PKD1: variants seen among roughly 807,000 people sequenced by gnomAD.
PKD1 encodes the protein polycystin-1.
A neutral mutation model predicts 361.7 loss-of-function variants in PKD1; 81 were observed. The observed-to-expected ratio is 0.22, with a 90% CI of 0.19 to 0.27. The LOEUF (loss-of-function observed/expected upper bound fraction) is 0.27. PKD1 is among the 10% of genes least tolerant of loss of function. The pLI, the probability that PKD1 is intolerant of heterozygous loss-of-function variation, is 1.00. For missense variants in PKD1, 6,399 were observed against 6,118.3 expected (o/e 1.05, Z -1.53); for synonymous variants, 3,615 against 2,818.3 (o/e 1.28, Z -8.95).
rs763016246 is a variant in PKD1 at position 2,106,315 on chromosome 16, G to A, written c.7490-11C>T. 16 of 1,607,884 alleles carry A rather than the reference G, an allele frequency of 1.0e-5. No individual in the cohort carries two copies. Among genetic ancestry groups the A allele is most frequent in the Middle Eastern group, 4.5e-4 (2 of 4,422 alleles). On this transcript the variant is annotated splice_polypyrimidine_tract_variant and intron_variant, in intron 18 of 45. Transcript: ENST00000262304. This position sits in a 1 kb window ranked among gnomAD's most constrained non-coding sequence, Gnocchi z 6.5. ...CCGCGTCATGCCAGCCTGAGGGACG[G>A]TCCCCACGGCATCACGGGAGGGCTC...
chr16:2,108,826 T>A lies in PKD1; in HGVS notation c.6341A>T (p.Tyr2114Phe). 1 of 1,570,544 alleles carries A rather than the reference T, an allele frequency of 6.4e-7. No individual in the cohort carries two copies. Among genetic ancestry groups the A allele is most frequent in the South Asian group, 1.2e-5 (1 of 86,088 alleles). Reference sequence around the variant, plus strand: ...CACGCGGTAGTCCCCAGGCCTCAGGTAGGAGTGCTCGGCCCTGGGCTCATC... The same window carrying A: ...CACGCGGTAGTCCCCAGGCCTCAGGAAGGAGTGCTCGGCCCTGGGCTCATC... ...DTDEPRAEHS[Y>F]LRPGDYRVQV... Residue 2114 changes from tyrosine to phenylalanine, a missense_variant, in exon 15 of 46, where the codon TAC becomes TTC. By Grantham distance (22) the Tyr-to-Phe change is conservative. Transcript: ENST00000262304.
Position 2,094,021 on chromosome 16 carries a change from A to C in PKD1, c.10619-8T>G. Reference sequence around the variant, plus strand: ...GCAGACCCTCCACCAGTCCTGGGGAAGCAGAGACAGACCTGTGAGAGGCAG... The same window carrying C: ...GCAGACCCTCCACCAGTCCTGGGGACGCAGAGACAGACCTGTGAGAGGCAG... On this transcript the variant is annotated splice_region_variant and splice_polypyrimidine_tract_variant and intron_variant, in intron 35 of 45. Coordinates refer to ENST00000262304, the MANE Select transcript of PKD1 (RefSeq NM_001009944.3). 1 of 1,590,858 alleles carries C rather than the reference A, an allele frequency of 6.3e-7. No individual in the cohort carries two copies. Among genetic ancestry groups the C allele is most frequent in the South Asian group, 1.1e-5 (1 of 88,126 alleles).
At chr16:2,124,341 G>A (rs928570555) in intron 1 of PKD1, among the ~76,000 whole-genome samples, 3 of 152,224 alleles carry the variant, frequency 2.0e-5, no homozygotes, top group Non-Finnish European at 4.4e-5. Flanking sequence ...CGGCCCCTCA[G>A]GGGTGTTCCC....
chr16:2,104,427 G>A (rs575887101), intron 22 of PKD1, 71 bp downstream of exon 22: 2 of 1,191,842 alleles, frequency 1.7e-6, no homozygotes, highest in Non-Finnish European at 2.4e-6. Context: ...CGACGCGGTT[G>A]GGGGGAGGAG....
rs771722961 is a variant in PKD1, at chr16:2,109,354, T to C, written c.5813A>G (p.His1938Arg). Residue 1938 changes from histidine to arginine, a missense_variant, in exon 15 of 46, where the codon CAC becomes CGC. Coordinates refer to ENST00000262304, the MANE Select transcript of PKD1 (RefSeq NM_001009944.3). ...GTGGTCTCCGACGCGGGGGAAGCTGTGGGAGAAACGGGGCCCGGGGAGCAC... is the reference window on the plus strand; with the variant it reads ...GTGGTCTCCGACGCGGGGGAAGCTGCGGGAGAAACGGGGCCCGGGGAGCAC... ...PEVLPGPRFSHSFPRVGDHVV... is the reference protein window; with the variant it reads ...PEVLPGPRFSRSFPRVGDHVV... The C allele has an allele frequency of 4.4e-6, 7 of 1,591,702 alleles. No homozygotes were observed. The highest frequency in any genetic ancestry group is 6.0e-6 in the Non-Finnish European group (7 of 1,173,470).
chr16:2,119,645 G>C (rs553611135), intron 1 of PKD1, among the ~76,000 whole-genome samples: 1 of 152,164 alleles, frequency 6.6e-6, no homozygotes, highest in Non-Finnish European at 1.5e-5. Context: ...TGTCCACCCA[G>C]GGCCAGGAAG....
chr16:2,133,756 T>A (rs1734002140), intron 1 of PKD1, among the ~76,000 whole-genome samples: 1 of 148,696 alleles, frequency 6.7e-6, no homozygotes. Context: ...TGTGCCCTGT[T>A]GCACACTTGG....
chr16:2,105,757 T>C (rs2092315914), intron 20 of PKD1, 108 bp downstream of exon 20: 2 of 1,372,236 alleles, frequency 1.5e-6, no homozygotes, highest in Admixed American at 1.8e-5. Context: ...CTGGGATTTA[T>C]CTCTGGGGCC....
chr16:2,114,482 G>A lies in PKD1; in HGVS notation c.2541C>T (p.Leu847=). The part of the protein sequence containing the change: ...YVPTNGSALV[L]QVDSGANATA... ...TGGCGTTGGCACCAGAGTCCACCTG[G>A]AGCACCAAGGCTGAGCCGTTGGTGG... The change falls in exon 11 of 46, where the codon CTC becomes CTT. Residue 847 remains leucine (L), a synonymous_variant. Transcript: ENST00000262304. 1 of 1,596,810 alleles carries A rather than the reference G, an allele frequency of 6.3e-7. No homozygotes were observed. Among genetic ancestry groups the A allele is most frequent in the African/African-American group, 1.3e-5 (1 of 74,962 alleles).
chr16:2,105,880 G>T lies in PKD1; in HGVS notation c.7848C>A (p.Val2616=), dbSNP rs143124196. The T allele has an allele frequency of 6.3e-7, 1 of 1,596,080 alleles. No homozygotes were observed. The highest frequency in any genetic ancestry group is 1.7e-5 in the Admixed American group (1 of 59,986). Residue 2616 remains valine, a synonymous_variant, in exon 20 of 46, where the codon GTC becomes GTA. Coordinates refer to ENST00000262304, the MANE Select transcript of PKD1 (RefSeq NM_001009944.3). ...QHVIEYSLAL[V]TVLNEYERAL... The stretch of plus-strand genomic sequence containing the variant: ...CTGCACTCACCTCGTTCAGCACGGT[G>T]ACCAGGGCCAACGAGTACTCGATGA...
chr16:2,115,040 G>T, intron 10 of PKD1, 115 bp from the exon 11 acceptor site: 1 of 1,508,942 alleles, frequency 6.6e-7, no homozygotes, highest in African/African-American at 1.4e-5. Flanking sequence ...CACACCTCAA[G>T]GAGCCTCCCC....
rs1183192723 is a variant in PKD1 at position 2,118,252 on chromosome 16, A to G, written c.740T>C (p.Leu247Pro). Residue 247 changes from leucine to proline, a missense_variant, in exon 5 of 46, where the codon CTC (leucine) becomes CCC (proline). Leu to Pro is a moderately conservative substitution (Grantham distance 98, BLOSUM62 -3). Coordinates refer to ENST00000262304, the MANE Select transcript of PKD1 (RefSeq NM_001009944.3). The surrounding 1 kb of genome is among the most constrained non-coding windows in gnomAD (Gnocchi z 6.0). ...PSSASFACLS[L>P]CSGPPPPPAP... is the part of the protein sequence containing the mutation. ...AGGAGGTGGCGGGGGGCCGGAGCAGAGGGACAGGCAGGCAAAGGAGGCACT... is the reference window on the plus strand; with the variant it reads ...AGGAGGTGGCGGGGGGCCGGAGCAGGGGGACAGGCAGGCAAAGGAGGCACT... The G allele has an allele frequency of 6.5e-7, 1 of 1,532,554 alleles. No homozygotes were observed. The highest frequency in any genetic ancestry group is 1.4e-5 in the African/African-American group (1 of 73,068). The allele number at this position is 1,532,554 out of a possible 1,614,324, so 94.9% of individuals were successfully genotyped here. A position where few individuals can be genotyped will look rare whatever the true frequency, so the allele number is the denominator to read the frequency against.
At chr16:2,129,915 G>A (rs148632930) in intron 1 of PKD1, among the ~76,000 whole-genome samples, 4,090 of 151,994 alleles carry the variant, frequency 0.027, 198 homozygotes, top group African/African-American at 0.093. Flanking sequence ...GATGCAAGCC[G>A]ATACTGCATG....
intron 11 of PKD1, chr16:2,113,961 A>G (rs28605000): frequency 0.1 from 62,039 of 600,832 alleles, 4,457 homozygotes; most frequent in African/African-American, 0.27. Context: ...GGAATGAGTT[A>G]GCGGAGCCAC....
At position 2,110,934 on chromosome 16, in the gene PKD1, G is replaced by A. The variant is rs779296433; in HGVS notation, c.4233C>T (p.Arg1411=). 10 of 1,611,144 alleles carry A rather than the reference G, an allele frequency of 6.2e-6. No homozygotes were observed. The highest frequency in any genetic ancestry group is 1.7e-5 in the Admixed American group (1 of 60,018). ...CCTCGGTGCCAAAGTCCCAGGTGTA[G>A]CGGTAGGGGAACGGGGGCCAGGCAC... The part of the protein sequence containing the change: ...VACAWPPFPY[R]YTWDFGTEEA... The change falls in exon 15 of 46, where the codon CGC becomes CGT. Residue 1411 remains arginine (R), a synonymous_variant. Coordinates refer to ENST00000262304, the MANE Select transcript of PKD1 (RefSeq NM_001009944.3).
In PKD1 at chr16:2,105,388, C is replaced by T. The variant is rs552835323; in HGVS notation, c.7950G>A (p.Leu2650=). The change falls in exon 21 of 46, where the codon CTG becomes CTA. Residue 2650 remains leucine, a synonymous_variant. Coordinates refer to ENST00000262304, the MANE Select transcript of PKD1 (RefSeq NM_001009944.3). ...AQIRKNITET[L]VSLRVHTVDD... is the part of the protein sequence containing the mutation. The stretch of plus-strand genomic sequence containing the variant: ...CCACAGTGTGGACCCTCAGGGACAC[C>T]AGAGTCTCCGTGATGTTCTTGCGTA... 2 of 1,586,728 alleles carry T rather than the reference C, an allele frequency of 1.3e-6. No homozygotes were observed. Among genetic ancestry groups the T allele is most frequent in the Admixed American group, 1.7e-5 (1 of 59,966 alleles).
intron 1 of PKD1, chr16:2,119,673 C>T (rs1054418311): frequency 1.5e-5 from 9 of 610,706 alleles, no homozygotes; most frequent in Admixed American, 5.6e-5. Flanking sequence ...ACCCCCAACC[C>T]ATCCCACGCA....
At position 2,135,854 on chromosome 16, in the gene PKD1, G is replaced by T; in HGVS notation, c.-165C>A. 1 of 250,260 alleles carries T rather than the reference G, an allele frequency of 4.0e-6. No homozygotes were observed. Among genetic ancestry groups the T allele is most frequent in the Non-Finnish European group, 6.3e-6 (1 of 159,562 alleles). The allele number at this position is 250,260 out of a possible 1,614,324, so 15.5% of individuals were successfully genotyped here. A position where few individuals can be genotyped will look rare whatever the true frequency, so the allele number is the denominator to read the frequency against. On this transcript the variant is annotated 5_prime_UTR_variant, in exon 1 of 46. Transcript: ENST00000262304. ...CCCGCTCGGGGCTCGGGGCCAGGCC[G>T]CTCCGGGAGCTCGGCCGCCCGCTCG... is the stretch of plus-strand genomic sequence containing the variant.
chr16:2,097,877 G>T lies in PKD1; in HGVS notation c.10158C>A (p.Leu3386=), dbSNP rs147454723. The T allele has an allele frequency of 6.2e-7, 1 of 1,604,622 alleles. No individual in the cohort carries two copies. The highest frequency in any genetic ancestry group is 8.5e-7 in the Non-Finnish European group (1 of 1,173,992). ...LDSSFLTFSG[L]HAEQAFVGQM... ...CCAGTAGAGTCCTCACCTCAGCGTGGAGGCCTGAGAACGTGAGGAAGGAGC... is the reference window on the plus strand; with the variant it reads ...CCAGTAGAGTCCTCACCTCAGCGTGTAGGCCTGAGAACGTGAGGAAGGAGC... Residue 3386 remains leucine, a synonymous_variant, in exon 31 of 46, where the codon CTC becomes CTA. Coordinates refer to ENST00000262304, the MANE Select transcript of PKD1 (RefSeq NM_001009944.3).
Sources: gnomAD v4.1 joint callset for allele counts (sites outside exome capture counted in the v4.1 genomes callset) on GRCh38, gnomAD v4.1.1 for gene constraint, Gnocchi (gnomAD v3.1) non-coding constraint, MANE v1.5 for transcripts, NCBI Gene and HGNC (gene_info 2026-07-23, HGNC 2026-07-21) for gene names.